The following PDE1A variants were observed in gnomAD, a reference collection of about 807,000 sequenced individuals.
The protein encoded by PDE1A is dual specificity calcium/calmodulin-dependent 3',5'-cyclic nucleotide phosphodiesterase 1A.
A neutral mutation model predicts 61.7 loss-of-function variants in PDE1A; 35 were observed. The ratio of observed to expected loss-of-function variants is 0.57; its 90% CI spans 0.43 to 0.75. The LOEUF (loss-of-function observed/expected upper bound fraction) is 0.75, where lower values mean the gene tolerates loss of function less well. PDE1A is among the 30% of genes least tolerant of loss of function. The pLI is 0.00. For synonymous variants in PDE1A, 232 were observed against 213.2 expected (o/e 1.09, Z -0.77); for missense variants, 597 against 630.6 (o/e 0.95, Z 0.57).
chr2:182,268,144 C>T (rs1183813151), intron 1 of PDE1A, among the ~76,000 whole-genome samples: 1 of 151,956 alleles, frequency 6.6e-6, no homozygotes, highest in Non-Finnish European at 1.5e-5. Flanking sequence ...GTTCCCAAAG[C>T]TTAGGGTGAG....
downstream of PDE1A, among the ~76,000 whole-genome samples, chr2:182,145,358 T>C (rs911086905): frequency 6.6e-6 from 1 of 151,950 alleles, no homozygotes; most frequent in Non-Finnish European, 1.5e-5. Flanking sequence ...TTAACTGGCC[T>C]TGACAGAAAA....
intron 13 of PDE1A, among the ~76,000 whole-genome samples, chr2:182,159,093 T>C (rs185585000): frequency 6.6e-6 from 1 of 152,132 alleles, no homozygotes; most frequent in Non-Finnish European, 1.5e-5. Context: ...TTTTAAGAGA[T>C]AAAAATTAAA....
rs117156422 is a variant in PDE1A, at chr2:182,328,248, T to C, written c.54-63834A>G. 9.2e-5 allele frequency among the ~76,000 whole-genome samples: 14 copies of C among 152,322 alleles called. No homozygotes were observed. In the East Asian group the frequency reaches 2.5e-3, roughly 27 times the overall value. On this transcript the variant is annotated intron_variant, in intron 1 of 13. Coordinates refer to ENST00000351439, the Ensembl canonical transcript of PDE1A. ...ATTGCCAGGAAACATTAAGGGATTA[T>C]TTGAGGTTGATGGTGAATTTAAACA...
intron 1 of PDE1A, among the ~76,000 whole-genome samples, chr2:182,355,923 G>T (rs1699151999): frequency 6.6e-6 from 1 of 152,126 alleles, no homozygotes; most frequent in African/African-American, 2.4e-5. Flanking sequence ...GACCTGAAGA[G>T]AAACTACGTT....
intron 2 of PDE1A, among the ~76,000 whole-genome samples, chr2:182,451,783 G>A (rs1685541499): frequency 2.0e-5 from 3 of 152,050 alleles, no homozygotes; most frequent in African/African-American, 7.2e-5. Flanking sequence ...TTCCCATGCA[G>A]CTCTGAGCTG....
chr2:182,276,923 T>C (rs1447075588), intron 1 of PDE1A, among the ~76,000 whole-genome samples: 2 of 151,920 alleles, frequency 1.3e-5, no homozygotes, highest in South Asian at 4.1e-4. Context: ...TCGGGCTTAT[T>C]AGGGTGGGGA....
At chr2:182,255,815 A>G (rs1019089417) in intron 2 of PDE1A, among the ~76,000 whole-genome samples, 2 of 151,330 alleles carry the variant, frequency 1.3e-5, no homozygotes, top group African/African-American at 4.8e-5. Flanking sequence ...GCACTAGCGC[A>G]CCTAGCTAAT....
At chr2:182,294,134 C>T (rs185161374) in intron 1 of PDE1A, among the ~76,000 whole-genome samples, 40 of 152,184 alleles carry the variant, frequency 2.6e-4, no homozygotes, top group South Asian at 4.1e-4. Flanking sequence ...ATAAAAACTA[C>T]GAATTGTTTA....
the PDE1A span, among the ~76,000 whole-genome samples, chr2:182,548,408 G>A: frequency 1.3e-5 from 2 of 152,104 alleles, no homozygotes; most frequent in Non-Finnish European, 2.9e-5. Flanking sequence ...CACAGGATAC[G>A]ACCAAGCAAA....
intron 2 of PDE1A, among the ~76,000 whole-genome samples, chr2:182,442,378 A>C (rs767540360): frequency 6.6e-6 from 1 of 152,060 alleles, no homozygotes; most frequent in Middle Eastern, 3.2e-3. Context: ...AACTAAATGC[A>C]ATGTATCATC....
chr2:182,219,016 G>C (rs535473241), intron 7 of PDE1A, among the ~76,000 whole-genome samples: 1 of 152,032 alleles, frequency 6.6e-6, no homozygotes, highest in South Asian at 2.1e-4. Context: ...TACCATCCCT[G>C]TTCCTTTAAA....
At chr2:182,567,107 A>T in the PDE1A span, among the ~76,000 whole-genome samples, 1 of 152,242 alleles carries the variant, frequency 6.6e-6, no homozygotes, top group East Asian at 1.9e-4. Context: ...TTGCTGCCAT[A>T]ACCAAATTTA....
the PDE1A span, among the ~76,000 whole-genome samples, chr2:182,550,214 G>C: frequency 1.3e-5 from 2 of 152,160 alleles, no homozygotes; most frequent in African/African-American, 4.8e-5. Context: ...AGTTGAATTT[G>C]TCTTTTCCCA....
chr2:182,281,856 G>T (rs1693830296), intron 1 of PDE1A, among the ~76,000 whole-genome samples: 1 of 151,854 alleles, frequency 6.6e-6, no homozygotes, highest in Admixed American at 6.6e-5. Context: ...AACACTAAAT[G>T]TCTTAGAGTT....
At chr2:182,423,869 G>T (rs1415636895) in intron 1 of PDE1A, among the ~76,000 whole-genome samples, 1 of 151,718 alleles carries the variant, frequency 6.6e-6, no homozygotes, top group Non-Finnish European at 1.5e-5. Context: ...TCAATTATAG[G>T]GGAAATTAGC....
At chr2:182,288,819 A>G (rs1694335702) in intron 1 of PDE1A, among the ~76,000 whole-genome samples, 1 of 152,002 alleles carries the variant, frequency 6.6e-6, no homozygotes, top group Admixed American at 6.6e-5. Flanking sequence ...CTTGAGTACA[A>G]TCGAATATTA....
chr2:182,185,410 G>A (rs1057023368), intron 13 of PDE1A, among the ~76,000 whole-genome samples: 3 of 152,132 alleles, frequency 2.0e-5, no homozygotes, highest in Non-Finnish European at 2.9e-5. Context: ...GATTGCTGTG[G>A]TGGTTGATTA....
At chr2:182,165,568 T>C (rs1691614500), downstream of PDE1A, among the ~76,000 whole-genome samples, 1 of 145,442 alleles carries the variant, frequency 6.9e-6, no homozygotes, top group African/African-American at 2.6e-5. Context: ...TGAAGGTCAA[T>C]GGGAAACTAC....
intron 6 of PDE1A, among the ~76,000 whole-genome samples, chr2:182,225,352 AG>A (rs1263402654): frequency 6.6e-6 from 1 of 151,936 alleles, no homozygotes; most frequent in Non-Finnish European, 1.5e-5. Context: ...AAAAGGTAAA[AG>A]AAAGCCATTG....
Sources: gnomAD v4.1 joint callset for allele counts (sites outside exome capture counted in the v4.1 genomes callset) on GRCh38, gnomAD v4.1.1 for gene constraint, MANE v1.5 for transcripts, NCBI Gene and HGNC (gene_info 2026-07-23, HGNC 2026-07-21) for gene names.